The following OGDH variants were observed in gnomAD, a reference collection of about 807,000 sequenced individuals.
The protein encoded by OGDH is oxoglutarate dehydrogenase.
In OGDH, 38 loss-of-function variants were observed where a neutral mutation model predicts 116.6. The ratio of observed to expected loss-of-function variants is 0.33; its 90% CI spans 0.25 to 0.43. The LOEUF is 0.43. Ranked by LOEUF, OGDH falls within the 20% of genes least tolerant of loss-of-function variation. The pLI, the probability that OGDH is intolerant of heterozygous loss-of-function variation, is 1.00. For missense variants in OGDH, 825 were observed against 1,357.2 expected (o/e 0.61, Z 6.16); for synonymous variants, 488 against 533.3 (o/e 0.92, Z 1.17).
chr7:44,675,094 G>A, intron 7 of OGDH, 84 bp from the exon 8 acceptor site: 2 of 1,031,932 alleles, frequency 1.9e-6, no homozygotes, highest in Non-Finnish European at 3.0e-6. Context: ...GGGGGAGGGG[G>A]AGGGGGGGAT....
chr7:44,617,878 C>A (rs1341637479), intron 1 of OGDH, among the ~76,000 whole-genome samples: 6 of 152,080 alleles, frequency 3.9e-5, no homozygotes, highest in South Asian at 2.1e-4. Context: ...TTTTTAATCA[C>A]CCCCCTACCT....
At chr7:44,616,036 A>G (rs189949081) in intron 1 of OGDH, among the ~76,000 whole-genome samples, 1 of 151,994 alleles carries the variant, frequency 6.6e-6, no homozygotes, top group East Asian at 1.9e-4. Context: ...CAGAAAGAAA[A>G]AAAAAAAAAA....
intron 4 of OGDH, 76 bp downstream of exon 4, chr7:44,647,835 C>A: frequency 8.9e-7 from 1 of 1,122,608 alleles, no homozygotes; most frequent in Non-Finnish European, 1.4e-6. Context: ...GCCAGGATGT[C>A]CAGGCAGGAG....
At chr7:44,690,319 G>C (rs908241987) in intron 10 of OGDH, among the ~76,000 whole-genome samples, 1 of 152,168 alleles carries the variant, frequency 6.6e-6, no homozygotes, top group East Asian at 1.9e-4. Flanking sequence ...AATGGGAGGG[G>C]TGAGAAGGGC....
At chr7:44,659,699 G>A (rs531097894) in intron 4 of OGDH, among the ~76,000 whole-genome samples, 1 of 152,104 alleles carries the variant, frequency 6.6e-6, no homozygotes, top group African/African-American at 2.4e-5. Flanking sequence ...CCTTATTTTT[G>A]ATAGTCATTT....
intron 2 of OGDH, among the ~76,000 whole-genome samples, chr7:44,629,832 G>A (rs139846510): frequency 0.011 from 1,621 of 152,202 alleles, 27 homozygotes; most frequent in African/African-American, 0.037. Context: ...CGACCGCCTC[G>A]GCCTCCCAAA....
At chr7:44,641,422 C>T (rs1785939699) in intron 2 of OGDH, among the ~76,000 whole-genome samples, 1 of 151,710 alleles carries the variant, frequency 6.6e-6, no homozygotes, top group Non-Finnish European at 1.5e-5. Context: ...GACGGGGTTT[C>T]ACTATGTTGG....
intron 2 of OGDH, among the ~76,000 whole-genome samples, chr7:44,626,306 T>TACAC (rs374833881): frequency 0.016 from 2,225 of 136,862 alleles, 19 homozygotes; most frequent in Non-Finnish European, 0.019. Flanking sequence ...CACACACCCC[T>TACAC]ACACACACAC....
intron 1 of OGDH, among the ~76,000 whole-genome samples, chr7:44,609,374 G>T (rs1784478626): frequency 6.6e-6 from 1 of 151,250 alleles, no homozygotes; most frequent in Non-Finnish European, 1.5e-5. Flanking sequence ...GCCAGGCGCA[G>T]TGGTGTGTTC....
chr7:44,623,386 G>T (rs563287904), intron 1 of OGDH, among the ~76,000 whole-genome samples: 35 of 145,736 alleles, frequency 2.4e-4, no homozygotes, highest in Non-Finnish European at 4.9e-4. Flanking sequence ...TTTTTCCTCT[G>T]CTCAAGGGTA....
chr7:44,702,464 AG>A (rs112484879), intron 20 of OGDH, among the ~76,000 whole-genome samples: 3,447 of 152,334 alleles, frequency 0.023, 120 homozygotes, highest in African/African-American at 0.079. Context: ...ACCACCCACC[AG>A]GGGTCACCAG....
At chr7:44,624,588 T>TCTGCCTCATGTTGGTGTGTTGGC in intron 2 of OGDH, 23 bp downstream of exon 2, 1 of 1,595,794 alleles carries the variant, frequency 6.3e-7, no homozygotes, top group Non-Finnish European at 8.6e-7. Context: ...GGGCTGTGGG[T>TCTGCCTCATGTTGGTGTGTTGGC]CTGCCTCATG....
Position 44,650,607 on chromosome 7 carries a change from G to A in OGDH, c.517+2848G>A, listed in dbSNP as rs532218303. ...AATAAGATAAATTCAGAAACTGAGA[G>A]GTCAAGCAAAAAGACCAGGAACACA... On this transcript the variant is annotated intron_variant, in intron 4 of 22. Transcript: ENST00000222673. Among the ~76,000 whole-genome samples, 10 of 152,320 alleles carry A rather than the reference G, an allele frequency of 6.6e-5. No homozygotes were observed. The East Asian group carries it at 1.9e-3, about 29-fold the overall frequency.
At chr7:44,638,400 T>C (rs1785771139) in intron 2 of OGDH, among the ~76,000 whole-genome samples, 1 of 152,160 alleles carries the variant, frequency 6.6e-6, no homozygotes, top group Admixed American at 6.5e-5. Context: ...TGAAAAACTG[T>C]TTCTATTATA....
At chr7:44,649,471 C>A (rs1786339667) in intron 4 of OGDH, among the ~76,000 whole-genome samples, 1 of 151,872 alleles carries the variant, frequency 6.6e-6, no homozygotes, top group Non-Finnish European at 1.5e-5. Context: ...CTCAGCCTCC[C>A]AAAGTGCTGA....
chr7:44,675,770 G>A (rs975052006), intron 8 of OGDH, among the ~76,000 whole-genome samples, 200 bp from the exon 9 acceptor site: 23 of 151,708 alleles, frequency 1.5e-4, no homozygotes, highest in African/African-American at 4.6e-4. Flanking sequence ...CCAGCTACTC[G>A]GGAGGCTGAG....
intron 2 of OGDH, among the ~76,000 whole-genome samples, chr7:44,633,252 CAAAAAAAAAAA>C (rs1163808681): frequency 1.7e-4 from 14 of 81,686 alleles, no homozygotes; most frequent in African/African-American, 4.5e-4. Context: ...GACTCTGTGT[CAAAAAAAAAAA>C]AAAAAAAAAA....
chr7:44,654,431 C>T (rs1275447272), intron 4 of OGDH, among the ~76,000 whole-genome samples: 1 of 152,198 alleles, frequency 6.6e-6, no homozygotes, highest in African/African-American at 2.4e-5. Context: ...TTCCACATAT[C>T]CTCCTGACCT....
chr7:44,656,877 G>A (rs950154844), intron 4 of OGDH, among the ~76,000 whole-genome samples: 10 of 152,152 alleles, frequency 6.6e-5, no homozygotes, highest in African/African-American at 9.7e-5. Flanking sequence ...AGTGACCCTC[G>A]GTTGGGCAAA....
Sources: allele counts gnomAD v4.1 joint callset (sites outside exome capture counted in the v4.1 genomes callset), GRCh38; gene constraint gnomAD v4.1.1; transcripts MANE v1.5; gene names NCBI Gene and HGNC (gene_info 2026-07-23, HGNC 2026-07-21).